The following PLEKHA8 variants were observed in gnomAD, a reference collection of about 807,000 sequenced individuals.
PLEKHA8 encodes the protein pleckstrin homology domain-containing family A member 8.
In PLEKHA8, 36 loss-of-function variants were observed where a neutral mutation model predicts 68.2. The observed-to-expected ratio is 0.53, with a 90% CI of 0.40 to 0.70. PLEKHA8 has a LOEUF of 0.70. Ranked by LOEUF, PLEKHA8 falls within the 30% of genes least tolerant of loss-of-function variation. PLEKHA8 has a pLI of 0.00. For missense variants in PLEKHA8, 505 were observed against 615.4 expected, an observed-to-expected ratio of 0.82 and a Z score of 1.90; for synonymous variants, 211 against 216.1, an observed-to-expected ratio of 0.98 and a Z score of 0.20.
intron 13 of PLEKHA8, among the ~76,000 whole-genome samples, chr7:30,104,523 T>C (rs1232843713): frequency 6.6e-6 from 1 of 151,986 alleles, no homozygotes; most frequent in East Asian, 1.9e-4. Context: ...ATAGACAATA[T>C]CCAGCAGCTT....
downstream of PLEKHA8, among the ~76,000 whole-genome samples, chr7:30,084,943 T>C (rs1184410807): frequency 1.4e-5 from 2 of 145,188 alleles, no homozygotes; most frequent in Non-Finnish European, 3.0e-5. Flanking sequence ...TTTTTCTTTT[T>C]CTTTTCTTTT....
At position 30,114,572 on chromosome 7, in the gene PLEKHA8, TG is replaced by T. The variant is rs377454857; in HGVS notation, c.1363-14693del. ...GTTTATTTTACATTCCCTTTCCAATTGTCATTCTATTATATGAAGTTTTAGG... is the reference window on the plus strand; with the variant it reads ...GTTTATTTTACATTCCCTTTCCAATTTCATTCTATTATATGAAGTTTTAGG... On this transcript the variant is annotated intron_variant, in intron 13 of 13. Transcript: ENST00000396257. Among the ~76,000 whole-genome samples the T allele has an allele frequency of 3.9e-4, 59 of 152,380 alleles. 1 individual carries two copies. Among genetic ancestry groups the T allele is most frequent in the African/African-American group, 1.3e-3 (54 of 41,598 alleles).
At chr7:30,101,413 ATGGTGCCAGAAACCG>A (rs56257313) in intron 13 of PLEKHA8, among the ~76,000 whole-genome samples, 26,965 of 152,072 alleles carry the variant, frequency 0.18, 2,498 homozygotes, top group African/African-American at 0.24. Context: ...TGGTGCCAGC[ATGGTGCCAGAAACCG>A]TGGTCGGGTT....
intron 13 of PLEKHA8, among the ~76,000 whole-genome samples, chr7:30,100,268 G>A (rs990933342): frequency 3.3e-5 from 5 of 152,174 alleles, no homozygotes; most frequent in African/African-American, 1.2e-4. Flanking sequence ...ATATCTTTTG[G>A]GACTAGGCAC....
At chr7:30,033,402 C>T (rs575560451) in intron 1 of PLEKHA8, among the ~76,000 whole-genome samples, 1 of 152,272 alleles carries the variant, frequency 6.6e-6, no homozygotes, top group East Asian at 1.9e-4. Context: ...AATATGTGGT[C>T]TTTTGTGGCT....
At chr7:30,037,875 G>C (rs1418286085) in intron 1 of PLEKHA8, among the ~76,000 whole-genome samples, 1 of 151,796 alleles carries the variant, frequency 6.6e-6, no homozygotes, top group Non-Finnish European at 1.5e-5. Context: ...GTCATTTGCT[G>C]TACAGATCAT....
chr7:30,083,582 C>T lies in PLEKHA8; in HGVS notation c.*4795C>T. The T allele has an allele frequency of 1.0e-6, 1 of 985,388 alleles. No individual in the cohort carries two copies. Among genetic ancestry groups the T allele is most frequent in the Non-Finnish European group, 1.2e-6 (1 of 829,922 alleles). The allele number at this position is 985,388 out of a possible 1,614,324, so 61.0% of individuals were successfully genotyped here. On this transcript the variant is annotated 3_prime_UTR_variant, in exon 14 of 14. Coordinates refer to ENST00000449726, the MANE Select transcript of PLEKHA8 (RefSeq NM_001197026.2). ...AGTCATTAACAGTGCCTCTCTGGTA[C>T]AGTTGATGCATGCATTGATCTTTCT...
At chr7:30,101,181 A>T (rs922203065) in intron 13 of PLEKHA8, among the ~76,000 whole-genome samples, 1 of 101,614 alleles carries the variant, frequency 9.8e-6, no homozygotes, top group Non-Finnish European at 2.1e-5. Context: ...GACTTGGGGG[A>T]AAAAAAAAAA....
intron 9 of PLEKHA8, among the ~76,000 whole-genome samples, chr7:30,056,239 G>A (rs751821363): frequency 5.0e-5 from 7 of 139,284 alleles, no homozygotes; most frequent in Non-Finnish European, 7.6e-5. Context: ...CACCACGCCC[G>A]GCCTGCAAAA....
At chr7:30,097,899 G>A (rs1017374993) in intron 13 of PLEKHA8, among the ~76,000 whole-genome samples, 22 of 152,322 alleles carry the variant, frequency 1.4e-4, no homozygotes, top group African/African-American at 2.2e-4. Context: ...GAGGAGAGGC[G>A]CTCTGACTTT....
exon 13 of PLEKHA8, chr7:30,090,676 C>T (rs1795379619): frequency 4.7e-6 from 3 of 635,554 alleles, no homozygotes; most frequent in African/African-American, 2.0e-5. Context: ...ACTGTCTCAA[C>T]TTTTTTCAAA....
In PLEKHA8 at chr7:30,081,526, A is replaced by G. The variant is rs138535233; in HGVS notation, c.*2739A>G. Reference sequence around the variant, plus strand: ...GTAATCACTTTCCAAGAAGAGGGCAATGAGAAAAGATATTTAAAGCTTTCT... The same window carrying G: ...GTAATCACTTTCCAAGAAGAGGGCAGTGAGAAAAGATATTTAAAGCTTTCT... On this transcript the variant is annotated 3_prime_UTR_variant, in exon 14 of 14. Coordinates refer to ENST00000449726, the MANE Select transcript of PLEKHA8 (RefSeq NM_001197026.2). 9.5e-5 allele frequency: 94 copies of G among 985,132 alleles called. No individual in the cohort carries two copies. The African/African-American group carries it at 1.5e-3, about 16-fold the overall frequency. 61.0% of individuals were successfully genotyped at this position (985,132 alleles called of 1,614,324 possible). A position where few individuals can be genotyped will look rare whatever the true frequency, so the allele number is the denominator to read the frequency against.
At chr7:30,048,164 CAA>C (rs1792109565) in intron 4 of PLEKHA8, among the ~76,000 whole-genome samples, 1 of 151,962 alleles carries the variant, frequency 6.6e-6, no homozygotes, top group African/African-American at 2.4e-5. Flanking sequence ...AAAAAAGTAA[CAA>C]AATTAAACAA....
chr7:30,097,346 T>C (rs1055021535), intron 13 of PLEKHA8, among the ~76,000 whole-genome samples: 4 of 152,224 alleles, frequency 2.6e-5, no homozygotes, highest in Admixed American at 6.5e-5. Context: ...TGGCGTTCTC[T>C]GTATTTCCTG....
chr7:30,099,565 A>G (rs1010162720), intron 13 of PLEKHA8, among the ~76,000 whole-genome samples: 3 of 152,224 alleles, frequency 2.0e-5, no homozygotes, highest in Admixed American at 2.0e-4. Context: ...GCAAATGACC[A>G]AAGACCTAAG....
rs780837310 is a variant in PLEKHA8, at chr7:30,045,167, A to T, written c.123A>T (p.Lys41Asn). The T allele has an allele frequency of 1.2e-6, 2 of 1,611,708 alleles. No homozygotes were observed. Among genetic ancestry groups the T allele is most frequent in the East Asian group, 2.2e-5 (1 of 44,810 alleles). Residue 41 changes from lysine (K) to asparagine (N), a missense_variant, in exon 2 of 14, where the codon AAA becomes AAT. By Grantham distance (94) the Lys-to-Asn change is moderately conservative. Coordinates refer to ENST00000449726, the MANE Select transcript of PLEKHA8 (RefSeq NM_001197026.2). The part of the protein sequence containing the change: ...DSPEDAWKGC[K>N]GSIQMAVCEI... Reference sequence around the variant, plus strand: ...CTGAAGATGCCTGGAAAGGTTGCAAAGGGAGCATACAAATGGCAGTCTGTG... The same window carrying T: ...CTGAAGATGCCTGGAAAGGTTGCAATGGGAGCATACAAATGGCAGTCTGTG...
intron 13 of PLEKHA8, among the ~76,000 whole-genome samples, chr7:30,106,831 T>C (rs572439114): frequency 6.6e-6 from 1 of 152,234 alleles, no homozygotes; most frequent in East Asian, 1.9e-4. Context: ...AAGTAATTTA[T>C]AAATGATTTA....
At position 30,028,771 on chromosome 7, in the gene PLEKHA8, G is replaced by A. The variant is rs775066035; in HGVS notation, c.9G>A (p.Gly3=). ME[G]VLYKWTNYLS... ...GAGTGGCCGCGGGCGCCATGGAGGGGGTGCTGTACAAGTGGACCAACTATC... is the reference window on the plus strand; with the variant it reads ...GAGTGGCCGCGGGCGCCATGGAGGGAGTGCTGTACAAGTGGACCAACTATC... Residue 3 remains glycine (G), a synonymous_variant, in exon 1 of 14, where the codon GGG becomes GGA. Transcript: ENST00000449726. 4.7e-6 allele frequency: 6 copies of A among 1,270,840 alleles called. No individual in the cohort carries two copies. The East Asian group carries it at 1.2e-4, about 26-fold the overall frequency. 78.7% of individuals were successfully genotyped at this position (1,270,840 alleles called of 1,614,324 possible).
At chr7:30,075,044 A>G (rs1794528127) in intron 13 of PLEKHA8, 1 of 152,208 alleles carries the variant, frequency 6.6e-6, no homozygotes, top group Non-Finnish European at 1.5e-5. Context: ...AGGAAACCTC[A>G]TAGAATGTAC....
Sources: gnomAD v4.1 joint callset for allele counts (sites outside exome capture counted in the v4.1 genomes callset) on GRCh38, gnomAD v4.1.1 for gene constraint, MANE v1.5 for transcripts, NCBI Gene and HGNC (gene_info 2026-07-23, HGNC 2026-07-21) for gene names.